The following CAMK2D variants were observed in gnomAD, a reference collection of about 807,000 sequenced individuals.
CAMK2D encodes calcium/calmodulin-dependent protein kinase type II subunit delta.
A neutral mutation model predicts 84.0 loss-of-function variants in CAMK2D; 37 were observed. The ratio of observed to expected loss-of-function variants is 0.44; its 90% CI spans 0.34 to 0.58. The LOEUF is 0.58. Ranked by LOEUF, CAMK2D falls within the 20% of genes least tolerant of loss-of-function variation. The pLI is 0.02. For synonymous variants in CAMK2D, 202 were observed against 212.5 expected, an observed-to-expected ratio of 0.95 and a Z score of 0.43; for missense variants, 448 against 652.5, an observed-to-expected ratio of 0.69 and a Z score of 3.41.
intron 4 of CAMK2D, among the ~76,000 whole-genome samples, chr4:113,589,790 A>G (rs2154250420): frequency 6.6e-6 from 1 of 152,262 alleles, no homozygotes; most frequent in East Asian, 1.9e-4. Context: ...TCATTAGCTT[A>G]TAGATGGAAT....
At chr4:113,647,210 C>A (rs901172512) in intron 3 of CAMK2D, among the ~76,000 whole-genome samples, 3 of 152,176 alleles carry the variant, frequency 2.0e-5, no homozygotes, top group Non-Finnish European at 2.9e-5. Context: ...AAAATCTGTT[C>A]TGATGAATAG....
At chr4:113,536,723 T>C (rs2098494371) in intron 7 of CAMK2D, among the ~76,000 whole-genome samples, 1 of 152,222 alleles carries the variant, frequency 6.6e-6, no homozygotes, top group Non-Finnish European at 1.5e-5. Context: ...TTAGAAATAC[T>C]ATAATTTAAA....
chr4:113,459,074 T>G (rs979335110), intron 18 of CAMK2D, among the ~76,000 whole-genome samples: 5 of 152,192 alleles, frequency 3.3e-5, no homozygotes, highest in African/African-American at 1.2e-4. Context: ...TCTTAAAATT[T>G]GAATTGAAAG....
intron 2 of CAMK2D, among the ~76,000 whole-genome samples, chr4:113,686,005 A>G (rs1231222931): frequency 6.6e-6 from 1 of 151,974 alleles, no homozygotes; most frequent in African/African-American, 2.4e-5. Flanking sequence ...CGGAGATTGC[A>G]GTGAGCCGTG....
intron 2 of CAMK2D, among the ~76,000 whole-genome samples, chr4:113,719,044 A>G (rs949534571): frequency 7.3e-4 from 111 of 152,208 alleles, no homozygotes; most frequent in African/African-American, 2.5e-3. Context: ...AAATGGAGTG[A>G]TAACAAAGTA....
At chr4:113,709,650 A>G (rs963979700) in intron 2 of CAMK2D, among the ~76,000 whole-genome samples, 3 of 149,536 alleles carry the variant, frequency 2.0e-5, no homozygotes, top group Admixed American at 6.7e-5. Context: ...GCCAAATGCC[A>G]TAAGGTAACT....
At chr4:113,567,253 T>G (rs1408352842) in intron 4 of CAMK2D, among the ~76,000 whole-genome samples, 2 of 150,854 alleles carry the variant, frequency 1.3e-5, no homozygotes, top group Admixed American at 6.6e-5. Flanking sequence ...CTGTAACCTC[T>G]GCCTCCTGGG....
At chr4:113,460,048 A>T in intron 18 of CAMK2D, 99 bp downstream of exon 18, 2 of 745,758 alleles carry the variant, frequency 2.7e-6, no homozygotes, top group South Asian at 3.0e-5. Context: ...GGATGAAGGT[A>T]AAAACTCTCA....
chr4:113,585,783 C>A, intron 4 of CAMK2D, among the ~76,000 whole-genome samples: 1 of 151,548 alleles, frequency 6.6e-6, no homozygotes, highest in East Asian at 1.9e-4. Context: ...AACTTTGTGC[C>A]AAAAAATAAA....
At chr4:113,602,366 G>T (rs572480357) in intron 4 of CAMK2D, among the ~76,000 whole-genome samples, 1 of 152,284 alleles carries the variant, frequency 6.6e-6, no homozygotes, top group African/African-American at 2.4e-5. Flanking sequence ...TATGCCACTT[G>T]TAAAAATTAT....
At chr4:113,559,402 T>C (rs1269997952) in intron 4 of CAMK2D, among the ~76,000 whole-genome samples, 2 of 152,262 alleles carry the variant, frequency 1.3e-5, no homozygotes, top group South Asian at 4.1e-4. Flanking sequence ...AAATCCCTTG[T>C]ATTATCACAT....
chr4:113,490,663 T>C (rs1477310185), intron 16 of CAMK2D, among the ~76,000 whole-genome samples: 1 of 151,768 alleles, frequency 6.6e-6, no homozygotes, highest in African/African-American at 2.4e-5. Context: ...AAGTAGTTTT[T>C]TCCAATTCTG....
chr4:113,474,498 C>A (rs1192948902), intron 16 of CAMK2D, among the ~76,000 whole-genome samples: 1 of 89,842 alleles, frequency 1.1e-5, no homozygotes, highest in Non-Finnish European at 2.1e-5. Context: ...CCTTTTTGGC[C>A]TTTTTTTTTT....
chr4:113,542,576 A>T (rs368427885), intron 6 of CAMK2D, among the ~76,000 whole-genome samples: 1 of 151,988 alleles, frequency 6.6e-6, no homozygotes, highest in Non-Finnish European at 1.5e-5. Flanking sequence ...TTAATCGGGC[A>T]TGGTGGCGGG....
chr4:113,668,173 T>A (rs2099265025), intron 2 of CAMK2D, among the ~76,000 whole-genome samples: 1 of 152,176 alleles, frequency 6.6e-6, no homozygotes, highest in Admixed American at 6.5e-5. Flanking sequence ...TCATTTTACC[T>A]TCATTCTGCA....
chr4:113,490,573 G>T (rs999001526), intron 16 of CAMK2D, among the ~76,000 whole-genome samples: 4 of 148,008 alleles, frequency 2.7e-5, no homozygotes, highest in South Asian at 2.2e-4. Flanking sequence ...AAGTCAGGTA[G>T]TGTGATGCCT....
intron 2 of CAMK2D, among the ~76,000 whole-genome samples, chr4:113,725,028 G>A (rs904911964): frequency 4.6e-5 from 7 of 151,778 alleles, no homozygotes; most frequent in African/African-American, 1.7e-4. Context: ...TCCATTCAGC[G>A]ATTTAATTTC....
chr4:113,642,473 C>G (rs2099136156), intron 3 of CAMK2D, among the ~76,000 whole-genome samples: 1 of 152,196 alleles, frequency 6.6e-6, no homozygotes, highest in South Asian at 2.1e-4. Flanking sequence ...CACCTCCATT[C>G]CCTGTCTCCC....
At chr4:113,482,833 A>C (rs2097718110) in intron 16 of CAMK2D, among the ~76,000 whole-genome samples, 1 of 152,242 alleles carries the variant, frequency 6.6e-6, no homozygotes, top group African/African-American at 2.4e-5. Context: ...ATATGTAATC[A>C]GTGGGATAAT....
Sources: allele counts gnomAD v4.1 joint callset (sites outside exome capture counted in the v4.1 genomes callset), GRCh38; gene constraint gnomAD v4.1.1; transcripts MANE v1.5; gene names NCBI Gene and HGNC (gene_info 2026-07-23, HGNC 2026-07-21).